Variants in BCL7C observed in about 807,000 individuals in gnomAD.
BCL7C encodes BAF chromatin remodeling complex subunit BCL7C.
A neutral mutation model predicts 26.2 loss-of-function variants in BCL7C; 8 were observed. The ratio of observed to expected loss-of-function variants is 0.30; its 90% CI spans 0.18 to 0.55. BCL7C has a LOEUF of 0.55. Among genes scored for constraint, BCL7C ranks in the 20% least tolerant of loss-of-function variants. The pLI, the probability that BCL7C is intolerant of heterozygous loss-of-function variation, is 0.93. For missense variants in BCL7C, 262 were observed against 298.5 expected (o/e 0.88, Z 0.90); for synonymous variants, 90 against 116.5 (o/e 0.77, Z 1.47).
At chr16:30,842,793 C>A (rs1307603465) in intron 5 of BCL7C, among the ~76,000 whole-genome samples, 1 of 152,166 alleles carries the variant, frequency 6.6e-6, no homozygotes. Flanking sequence ...TGGTCTCGAT[C>A]TCCTGACCTC....
intron 5 of BCL7C, among the ~76,000 whole-genome samples, chr16:30,863,074 G>A (rs1256732960): frequency 6.6e-6 from 1 of 151,818 alleles, no homozygotes; most frequent in African/African-American, 2.4e-5. Context: ...CATTATTCCT[G>A]ATAACACACC....
chr16:30,870,473 T>G (rs902589482), intron 5 of BCL7C, among the ~76,000 whole-genome samples: 5 of 151,992 alleles, frequency 3.3e-5, no homozygotes, highest in Non-Finnish European at 5.9e-5. Flanking sequence ...GAGACCAGTG[T>G]GGCCAACATA....
At position 30,893,767 on chromosome 16, in the gene BCL7C, G is replaced by T. The variant is rs2055297758; in HGVS notation, c.92+86C>A. 2.5e-6 allele frequency: 3 copies of T among 1,208,318 alleles called. No individual in the cohort carries two copies. The highest frequency in any genetic ancestry group is 3.6e-6 in the Non-Finnish European group (3 of 834,972). 74.8% of individuals were successfully genotyped at this position (1,208,318 alleles called of 1,614,324 possible). ...GGGTGGAGATACACCGAACACCCGG[G>T]GCCCAGAGCTGGCGAGGGCAGCGTA... On this transcript the variant is annotated intron_variant, in intron 1 of 5. Coordinates refer to ENST00000215115, the MANE Select transcript of BCL7C (RefSeq NM_004765.4). This position sits in a 1 kb window ranked among gnomAD's most constrained non-coding sequence, Gnocchi z 5.2.
intron 5 of BCL7C, among the ~76,000 whole-genome samples, chr16:30,874,801 C>T (rs1390093527): frequency 6.6e-6 from 1 of 152,204 alleles, no homozygotes; most frequent in East Asian, 1.9e-4. Context: ...GTTTTTCTGT[C>T]TGTGACACGG....
At chr16:30,837,377 C>A (rs557637685) in intron 5 of BCL7C, among the ~76,000 whole-genome samples, 9 of 151,646 alleles carry the variant, frequency 5.9e-5, no homozygotes, top group African/African-American at 2.2e-4. Context: ...TTTTTTGAGG[C>A]GGAGTTTTGC....
intron 5 of BCL7C, among the ~76,000 whole-genome samples, chr16:30,846,892 G>A (rs1156435655): frequency 6.6e-6 from 1 of 152,252 alleles, no homozygotes; most frequent in Non-Finnish European, 1.5e-5. Flanking sequence ...TGGTGGTGAA[G>A]TGCCTACTGA....
intron 5 of BCL7C, among the ~76,000 whole-genome samples, chr16:30,881,645 G>A (rs1341182505): frequency 6.6e-6 from 1 of 152,010 alleles, no homozygotes; most frequent in South Asian, 2.1e-4. Flanking sequence ...CCCTGCCTGC[G>A]AGGCCCAGCT....
At chr16:30,871,294 C>A (rs1432162051) in intron 5 of BCL7C, among the ~76,000 whole-genome samples, 1 of 152,140 alleles carries the variant, frequency 6.6e-6, no homozygotes, top group Non-Finnish European at 1.5e-5. Flanking sequence ...TGAGGGTACA[C>A]ACTCTGAAGT....
intron 5 of BCL7C, among the ~76,000 whole-genome samples, chr16:30,874,089 G>A (rs1473189307): frequency 2.0e-5 from 3 of 148,684 alleles, no homozygotes; most frequent in African/African-American, 7.4e-5. Context: ...TCTGCCTCCC[G>A]GGTTCAAGGG....
At chr16:30,875,233 C>T in intron 5 of BCL7C, 1 of 154,690 alleles carries the variant, frequency 6.5e-6, no homozygotes, top group Non-Finnish European at 1.5e-5. Context: ...AGTTTCCCGC[C>T]GCAGACCAGG....
downstream of BCL7C, among the ~76,000 whole-genome samples, chr16:30,887,309 A>G (rs2055148288): frequency 6.6e-6 from 1 of 151,876 alleles, no homozygotes. Flanking sequence ...AACTCTCTAA[A>G]AAAAAATAGT....
Position 30,834,984 on chromosome 16 carries a change from C to T in BCL7C, c.693G>A (p.Arg231=). The T allele has an allele frequency of 6.5e-7, 1 of 1,547,552 alleles. No individual in the cohort carries two copies. Among genetic ancestry groups the T allele is most frequent in the Non-Finnish European group, 8.7e-7 (1 of 1,146,202 alleles). The change falls in exon 6 of 6, where the codon AGG becomes AGA. Residue 231 remains arginine (R), a synonymous_variant. Coordinates refer to the BCL7C transcript ENST00000380317. The surrounding 1 kb of genome is among the most constrained non-coding windows in gnomAD (Gnocchi z 4.3). ...TACCCTGGGGGATTGTTCTGGGTGCCCTCGGGGCCTTGCTGCCTCCCCCGG... is the reference window on the plus strand; with the variant it reads ...TACCCTGGGGGATTGTTCTGGGTGCTCTCGGGGCCTTGCTGCCTCCCCCGG...
intron 5 of BCL7C, among the ~76,000 whole-genome samples, chr16:30,853,749 C>G (rs1270674200): frequency 6.6e-6 from 1 of 152,084 alleles, no homozygotes; most frequent in Non-Finnish European, 1.5e-5. Context: ...TCTCTTGCCT[C>G]TTCTTCAGCT....
At chr16:30,888,437 A>G (rs1256778184) in intron 5 of BCL7C, among the ~76,000 whole-genome samples, 1 of 151,996 alleles carries the variant, frequency 6.6e-6, no homozygotes, top group Non-Finnish European at 1.5e-5. Flanking sequence ...CCCGGGTTCA[A>G]GCAATTCTCC....
At chr16:30,880,423 G>T (rs1372469053) in intron 5 of BCL7C, among the ~76,000 whole-genome samples, 1 of 152,020 alleles carries the variant, frequency 6.6e-6, no homozygotes, top group Non-Finnish European at 1.5e-5. Flanking sequence ...GAACAGGCTG[G>T]GCGCGGTGGC....
chr16:30,836,173 G>A (rs1284887785), intron 5 of BCL7C, among the ~76,000 whole-genome samples: 1 of 152,198 alleles, frequency 6.6e-6, no homozygotes, highest in African/African-American at 2.4e-5. Context: ...AGAATCGCTT[G>A]AGCCTGGGAG....
chr16:30,887,920 T>C lies in BCL7C; in HGVS notation c.599A>G (p.Asp200Gly), dbSNP rs777505429. The change falls in exon 6 of 6, where the codon GAC (aspartate) becomes GGC (glycine). Residue 200 changes from aspartate (D) to glycine (G), a missense_variant. By Grantham distance (94) the Asp-to-Gly change is moderately conservative. Transcript: ENST00000215115. ...VPEAAQGDTE[D>G]SEGAPPLKRI... ...CTTGAGTGGGGGGGCACCCTCCGAG[T>C]CCTCTGTGTCACCCTGGGCTGCCTC... 1 of 1,603,570 alleles carries C rather than the reference T, an allele frequency of 6.2e-7. No individual in the cohort carries two copies. The highest frequency in any genetic ancestry group is 1.4e-5 in the African/African-American group (1 of 73,964).
At chr16:30,851,144 C>T (rs76478401) in intron 5 of BCL7C, 14,898 of 263,888 alleles carry the variant, frequency 0.056, 1,703 homozygotes, top group African/African-American at 0.27. Flanking sequence ...TTCGTTTTCC[C>T]TGCAAAACTG....
chr16:30,844,908 G>T (rs1460492228), intron 5 of BCL7C, among the ~76,000 whole-genome samples: 1 of 152,194 alleles, frequency 6.6e-6, no homozygotes, highest in Non-Finnish European at 1.5e-5. Context: ...GCAAGAAGAA[G>T]GGGAAGCTCT....
Sources: gnomAD v4.1 joint callset for allele counts (sites outside exome capture counted in the v4.1 genomes callset) on GRCh38, gnomAD v4.1.1 for gene constraint, Gnocchi (gnomAD v3.1) non-coding constraint, MANE v1.5 for transcripts, NCBI Gene and HGNC (gene_info 2026-07-23, HGNC 2026-07-21) for gene names.